The following PEBP4 variants were observed in gnomAD, a reference collection of about 807,000 sequenced individuals.
PEBP4 encodes phosphatidylethanolamine-binding protein 4.
PEBP4 carries 22 observed loss-of-function variants against 23.9 expected under a neutral mutation model. The observed-to-expected ratio is 0.92, with a 90% CI of 0.66 to 1.31. PEBP4 has a LOEUF of 1.31. Ranked by LOEUF, PEBP4 falls within the 40% of genes most tolerant of loss-of-function variation. PEBP4 has a pLI of 0.00. For missense variants in PEBP4, 324 were observed against 281.7 expected (o/e 1.15, Z -1.07); for synonymous variants, 112 against 99.3 (o/e 1.13, Z -0.76).
At chr8:22,810,199 C>G (rs899698863) in intron 4 of PEBP4, among the ~76,000 whole-genome samples, 3 of 152,178 alleles carry the variant, frequency 2.0e-5, no homozygotes, top group African/African-American at 4.8e-5. Context: ...AATAGGCTAG[C>G]CTTTCCTACT....
At chr8:22,824,263 C>T (rs1806922138) in intron 3 of PEBP4, among the ~76,000 whole-genome samples, 1 of 151,954 alleles carries the variant, frequency 6.6e-6, no homozygotes, top group South Asian at 2.1e-4. Context: ...AAGATTTGCA[C>T]TCAAGGAAAA....
At chr8:22,748,117 G>A (rs1805168163) in intron 4 of PEBP4, among the ~76,000 whole-genome samples, 1 of 152,208 alleles carries the variant, frequency 6.6e-6, no homozygotes, top group African/African-American at 2.4e-5. Context: ...CGGGCAGGGA[G>A]GTGTGAGGAA....
intron 4 of PEBP4, among the ~76,000 whole-genome samples, chr8:22,756,691 C>G (rs1474362658): frequency 6.6e-6 from 1 of 152,242 alleles, no homozygotes; most frequent in African/African-American, 2.4e-5. Context: ...CCTGGGGGCT[C>G]ATTGAGGCCC....
chr8:22,871,552 A>ATTT lies in PEBP4; in HGVS notation c.258+48629_258+48631dup, dbSNP rs35759089. On this transcript the variant is annotated intron_variant, in intron 3 of 6. Transcript: ENST00000256404. ...AAGTTCTTTAGCAGTGATTTCTGGG[A>ATTT]TTTTTTTTTTTTTTTTTTTTTAAGA... Among the ~76,000 whole-genome samples the ATTT allele has an allele frequency of 2.9e-3, 340 of 115,272 alleles. 4 individuals are homozygous for ATTT. Among genetic ancestry groups the ATTT allele is most frequent in the Non-Finnish European group, 4.4e-3 (259 of 58,600 alleles). The allele number at this position is 115,272 out of a possible 152,430, so 75.6% of individuals were successfully genotyped here.
At chr8:22,923,503 G>T (rs940268432) in intron 2 of PEBP4, among the ~76,000 whole-genome samples, 3 of 152,084 alleles carry the variant, frequency 2.0e-5, no homozygotes, top group African/African-American at 4.8e-5. Flanking sequence ...GGAGGTCAAG[G>T]TTGCAGTGAG....
chr8:22,855,643 G>T (rs374199393), intron 3 of PEBP4, among the ~76,000 whole-genome samples: 1 of 152,198 alleles, frequency 6.6e-6, no homozygotes, highest in East Asian at 1.9e-4. Flanking sequence ...TTATGCGTGG[G>T]GAAGACCTTC....
At chr8:22,813,419 A>G (rs1806674522) in intron 4 of PEBP4, among the ~76,000 whole-genome samples, 1 of 152,218 alleles carries the variant, frequency 6.6e-6, no homozygotes, top group Admixed American at 6.5e-5. Flanking sequence ...GTCACCAATC[A>G]TGATATTCTT....
chr8:22,816,363 T>G (rs564724637), intron 4 of PEBP4, among the ~76,000 whole-genome samples: 59 of 152,302 alleles, frequency 3.9e-4, no homozygotes, highest in African/African-American at 1.3e-3. Context: ...GGGGCCCCGG[T>G]CACTGGGCCA....
At chr8:22,909,754 T>A (rs187288166) in intron 3 of PEBP4, among the ~76,000 whole-genome samples, 302 of 152,326 alleles carry the variant, frequency 2.0e-3, no homozygotes, top group Middle Eastern at 3.4e-3. Flanking sequence ...GCAGTGGGAA[T>A]CTTTCTGTGC....
At chr8:22,747,342 C>T (rs147539704) in intron 4 of PEBP4, among the ~76,000 whole-genome samples, 1 of 152,018 alleles carries the variant, frequency 6.6e-6, no homozygotes, top group Non-Finnish European at 1.5e-5. Flanking sequence ...CTGTGTAGAT[C>T]CAGGGTCTCT....
At chr8:22,844,815 C>A (rs763522509) in intron 3 of PEBP4, among the ~76,000 whole-genome samples, 17 of 152,196 alleles carry the variant, frequency 1.1e-4, no homozygotes, top group Non-Finnish European at 2.4e-4. Context: ...CCCACCCCTG[C>A]TCAAAGCCAT....
chr8:22,885,986 T>C (rs926611062), intron 3 of PEBP4: 3 of 152,232 alleles, frequency 2.0e-5, no homozygotes, highest in African/African-American at 7.2e-5. Context: ...CTCCTGTGAC[T>C]AACATGGAAT....
chr8:22,925,459 CT>C (rs972463561), intron 2 of PEBP4: 29 of 449,878 alleles, frequency 6.4e-5, no homozygotes, highest in Non-Finnish European at 8.5e-5. Flanking sequence ...TTCTTAATCT[CT>C]GGGGATTCTT....
At chr8:22,781,152 G>A (rs1805906604) in intron 4 of PEBP4, among the ~76,000 whole-genome samples, 1 of 152,252 alleles carries the variant, frequency 6.6e-6, no homozygotes, top group Admixed American at 6.5e-5. Context: ...GAGCAGAGGT[G>A]ACAGAACCTT....
chr8:22,741,544 G>C (rs1248482891), intron 4 of PEBP4, among the ~76,000 whole-genome samples: 1 of 152,224 alleles, frequency 6.6e-6, no homozygotes, highest in Non-Finnish European at 1.5e-5. Context: ...CATGTCCCGG[G>C]AATGCTTTGG....
chr8:22,911,967 G>C (rs956792736), intron 3 of PEBP4, among the ~76,000 whole-genome samples: 1 of 152,122 alleles, frequency 6.6e-6, no homozygotes, highest in Non-Finnish European at 1.5e-5. Context: ...CGGCCCAATC[G>C]CTGAGCGTGC....
intron 4 of PEBP4, among the ~76,000 whole-genome samples, chr8:22,749,805 C>CATTTTTTTT (rs1805209102): frequency 1.2e-5 from 1 of 83,762 alleles, no homozygotes; most frequent in African/African-American, 3.9e-5. Context: ...GTTTGTCATT[C>CATTTTTTTT]TTTTTTTTTT....
intron 4 of PEBP4, among the ~76,000 whole-genome samples, chr8:22,808,781 T>C (rs1261145474): frequency 1.3e-5 from 2 of 152,254 alleles, no homozygotes; most frequent in East Asian, 1.9e-4. Flanking sequence ...TGGCCTTGTC[T>C]TTCCAACTGG....
intron 4 of PEBP4, among the ~76,000 whole-genome samples, chr8:22,811,183 T>G (rs1806621665): frequency 6.6e-6 from 1 of 152,190 alleles, no homozygotes; most frequent in Non-Finnish European, 1.5e-5. Flanking sequence ...CCTTGAATAT[T>G]TTAATGACTC....
Sources: gnomAD v4.1 joint callset for allele counts (sites outside exome capture counted in the v4.1 genomes callset) on GRCh38, gnomAD v4.1.1 for gene constraint, MANE v1.5 for transcripts, NCBI Gene and HGNC (gene_info 2026-07-23, HGNC 2026-07-21) for gene names.